SNTG2: variants seen among roughly 807,000 people sequenced by gnomAD.
SNTG2 encodes syntrophin gamma 2.
In SNTG2, 74 loss-of-function variants were observed where a neutral mutation model predicts 70.9. That is an observed-to-expected ratio of 1.04 (90% confidence interval 0.86 to 1.27). The LOEUF is 1.27. SNTG2 is among the 50% of genes most tolerant of loss of function. The pLI, the probability that SNTG2 is intolerant of heterozygous loss-of-function variation, is 0.00. For missense variants in SNTG2, 717 were observed against 690.7 expected, an observed-to-expected ratio of 1.04 and a Z score of -0.43; for synonymous variants, 278 against 273.8, an observed-to-expected ratio of 1.02 and a Z score of -0.15.
intron 1 of SNTG2, among the ~76,000 whole-genome samples, chr2:1,057,339 G>C (rs1040166128): frequency 6.6e-6 from 1 of 151,912 alleles, no homozygotes; most frequent in African/African-American, 2.4e-5. Flanking sequence ...TATTAGTCAG[G>C]GTTCTCCAGA....
At chr2:1,145,265 C>A (rs902321017) in intron 6 of SNTG2, among the ~76,000 whole-genome samples, 7 of 143,136 alleles carry the variant, frequency 4.9e-5, no homozygotes, top group African/African-American at 1.8e-4. Flanking sequence ...AAATCAGGGA[C>A]TGAAGACAGG....
intron 1 of SNTG2, among the ~76,000 whole-genome samples, chr2:1,048,835 T>C (rs61503767): frequency 0.074 from 11,333 of 152,234 alleles, 679 homozygotes; most frequent in Admixed American, 0.2. Flanking sequence ...AACCTTGATA[T>C]TCATTCACCC....
chr2:1,012,496 G>T (rs1020974053), intron 1 of SNTG2, among the ~76,000 whole-genome samples: 1 of 152,158 alleles, frequency 6.6e-6, no homozygotes, highest in Non-Finnish European at 1.5e-5. Context: ...GGGGGGTCTG[G>T]AGAGGGATTT....
chr2:1,252,084 C>T (rs1213117096), intron 12 of SNTG2, among the ~76,000 whole-genome samples: 3 of 152,174 alleles, frequency 2.0e-5, no homozygotes, highest in South Asian at 2.1e-4. Flanking sequence ...GCGCCCAGTA[C>T]GCAGAGAGCT....
At chr2:1,253,668 C>T (rs558297039) in intron 12 of SNTG2, among the ~76,000 whole-genome samples, 25 of 152,212 alleles carry the variant, frequency 1.6e-4, no homozygotes, top group East Asian at 7.7e-4. Flanking sequence ...AAGGTGTATT[C>T]GTCTGTGTTC....
chr2:1,333,848 TC>T (rs1659660341), intron 16 of SNTG2, among the ~76,000 whole-genome samples: 1 of 152,128 alleles, frequency 6.6e-6, no homozygotes, highest in Admixed American at 6.6e-5. Flanking sequence ...GAAGGTAACA[TC>T]AGAAAAACTC....
chr2:990,697 C>T (rs1030862461), intron 1 of SNTG2, among the ~76,000 whole-genome samples: 5 of 152,214 alleles, frequency 3.3e-5, no homozygotes, highest in Admixed American at 6.5e-5. Context: ...TTTGTCAGTT[C>T]TATGCATTAT....
chr2:1,044,460 C>T (rs983343811), intron 1 of SNTG2, among the ~76,000 whole-genome samples: 1 of 152,174 alleles, frequency 6.6e-6, no homozygotes, highest in Non-Finnish European at 1.5e-5. Context: ...GCATCCTTGA[C>T]TTGTTCTGGT....
At chr2:1,217,321 G>A (rs1674458791) in intron 9 of SNTG2, among the ~76,000 whole-genome samples, 1 of 152,116 alleles carries the variant, frequency 6.6e-6, no homozygotes. Flanking sequence ...ATACTCAAGT[G>A]GTTCTTTGGT....
chr2:1,032,191 G>A (rs971633627), intron 1 of SNTG2, among the ~76,000 whole-genome samples: 3 of 152,150 alleles, frequency 2.0e-5, no homozygotes, highest in Non-Finnish European at 2.9e-5. Context: ...GCGGGACCAC[G>A]GGCTGGGGCA....
rs1672291693 is a variant in SNTG2, at chr2:1,187,012, G to A, written c.591+13829G>A. On this transcript the variant is annotated intron_variant, in intron 8 of 16. Coordinates refer to ENST00000308624, the MANE Select transcript of SNTG2 (RefSeq NM_018968.4). Reference sequence around the variant, plus strand: ...GGTGGCAGCTACAAATTCAGCACAGGGAATGCAGAGGGGCTGCAGAGACAG... The same window carrying A: ...GGTGGCAGCTACAAATTCAGCACAGAGAATGCAGAGGGGCTGCAGAGACAG... Among the ~76,000 whole-genome samples, 7 of 152,126 alleles carry A rather than the reference G, an allele frequency of 4.6e-5. No individual in the cohort carries two copies. The South Asian group carries it at 1.5e-3, about 32-fold the overall frequency.
At chr2:1,204,887 C>T (rs1273252922) in intron 8 of SNTG2, among the ~76,000 whole-genome samples, 1 of 152,104 alleles carries the variant, frequency 6.6e-6, no homozygotes, top group Non-Finnish European at 1.5e-5. Flanking sequence ...AGCAGAAAGG[C>T]TCAGAAGCCT....
At chr2:1,109,147 A>G (rs1029338392) in intron 4 of SNTG2, among the ~76,000 whole-genome samples, 25 of 152,026 alleles carry the variant, frequency 1.6e-4, no homozygotes, top group African/African-American at 6.0e-4. Flanking sequence ...TCATCATGAC[A>G]TGTCATACTT....
intron 4 of SNTG2, among the ~76,000 whole-genome samples, chr2:1,117,517 C>G (rs911431892): frequency 7.2e-5 from 11 of 152,144 alleles, no homozygotes; most frequent in Admixed American, 7.2e-4. Context: ...GCCTCCTGCC[C>G]CTGGGGAGCT....
At chr2:986,125 A>G (rs962174708) in intron 1 of SNTG2, among the ~76,000 whole-genome samples, 21 of 143,252 alleles carry the variant, frequency 1.5e-4, no homozygotes, top group African/African-American at 5.4e-4. Context: ...AGGATTTCCC[A>G]TGTGCTGAGT....
chr2:1,020,903 T>C (rs1660130988), intron 1 of SNTG2, among the ~76,000 whole-genome samples: 2 of 152,248 alleles, frequency 1.3e-5, no homozygotes, highest in South Asian at 4.1e-4. Context: ...GCTTAATAGC[T>C]TTAGCATTTA....
chr2:1,061,483 A>G (rs141605488), intron 1 of SNTG2, among the ~76,000 whole-genome samples: 2 of 152,314 alleles, frequency 1.3e-5, no homozygotes, highest in African/African-American at 2.4e-5. Flanking sequence ...TGCCTCTGAT[A>G]AAAGGGCAGG....
chr2:1,221,465 G>GCCTATCTCTGTCTCTGTT (rs1428293623), intron 9 of SNTG2, among the ~76,000 whole-genome samples: 1 of 20,784 alleles, frequency 4.8e-5, no homozygotes, highest in Non-Finnish European at 8.1e-5. Context: ...CTCTGTCTCT[G>GCCTATCTCTGTCTCTGTT]TCTCTCTGTC....
chr2:1,167,786 TACAGGCCGCCC>T (rs1288096178), intron 7 of SNTG2, among the ~76,000 whole-genome samples: 3 of 129,510 alleles, frequency 2.3e-5, no homozygotes, highest in Non-Finnish European at 4.8e-5. Flanking sequence ...AACTGAAGCC[TACAGGCCGCCC>T]ACAGACGGCA....
Sources: gnomAD v4.1 joint callset for allele counts (sites outside exome capture counted in the v4.1 genomes callset) on GRCh38, gnomAD v4.1.1 for gene constraint, MANE v1.5 for transcripts, NCBI Gene and HGNC (gene_info 2026-07-23, HGNC 2026-07-21) for gene names.